Variants in AGAP1 observed in about 807,000 individuals in gnomAD.
AGAP1 encodes arf-GAP with GTPase, ANK repeat and PH domain-containing protein 1.
Under a neutral mutation model 105.3 loss-of-function variants are expected in AGAP1, and 29 were observed. That is an observed-to-expected ratio of 0.28 (90% confidence interval 0.21 to 0.38). AGAP1 has a LOEUF of 0.38. Among genes scored for constraint, AGAP1 ranks in the 10% least tolerant of loss-of-function variants. AGAP1 has a pLI of 1.00. For missense variants in AGAP1, 998 were observed against 1,165.1 expected (o/e 0.86, Z 2.09); for synonymous variants, 509 against 485.9 (o/e 1.05, Z -0.63).
At chr2:235,849,652 TGGA>T (rs200814985) in intron 9 of AGAP1, among the ~76,000 whole-genome samples, 1 of 112,194 alleles carries the variant, frequency 8.9e-6, no homozygotes, top group Non-Finnish European at 2.1e-5. Context: ...ATGCTAGGCC[TGGA>T]TAAGGGTTGC....
rs1941243510 is a variant in AGAP1 at position 235,494,911 on chromosome 2, G to A, written c.163+62G>A. On this transcript the variant is annotated intron_variant, in intron 1 of 17. Coordinates refer to ENST00000304032, the MANE Select transcript of AGAP1 (RefSeq NM_001037131.3). ...CGGACGCCCGCGGCGCGGCGGGGGT[G>A]TGCGCTGTGTGCGTGCGGGTGTCCA... The A allele has an allele frequency of 3.4e-6, 5 of 1,466,498 alleles. No homozygotes were observed. The South Asian group carries it at 5.0e-5, about 15-fold the overall frequency. The allele number at this position is 1,466,498 out of a possible 1,614,324, so 90.8% of individuals were successfully genotyped here.
rs914661632 is a variant in AGAP1, at chr2:236,038,453, C to G, written c.1800+1738C>G. 6.6e-6 allele frequency among the ~76,000 whole-genome samples: 1 copy of G among 152,172 alleles called. No homozygotes were observed. Among genetic ancestry groups the G allele is most frequent in the Non-Finnish European group, 1.5e-5 (1 of 68,036 alleles). ...ACACCTTGCCAGGCTCCTCCTGACT[C>G]GTGTCTCAGCTCATGCACACACCAG... On this transcript the variant is annotated intron_variant, in intron 14 of 17. Transcript: ENST00000304032. This position sits in a 1 kb window ranked among gnomAD's most constrained non-coding sequence, Gnocchi z 4.5.
At chr2:235,671,491 C>T (rs1948424772) in intron 1 of AGAP1, among the ~76,000 whole-genome samples, 1 of 152,180 alleles carries the variant, frequency 6.6e-6, no homozygotes, top group African/African-American at 2.4e-5. Context: ...ATCCTGGCGC[C>T]CCTCCCTGCC....
intron 11 of AGAP1, among the ~76,000 whole-genome samples, chr2:235,920,217 ATACT>A (rs1256203379): frequency 1.6e-3 from 243 of 152,310 alleles, no homozygotes; most frequent in African/African-American, 5.0e-3. Flanking sequence ...TTTAGAATAA[ATACT>A]TACACTTATT....
At chr2:235,710,508 A>G (rs1333026397) in intron 2 of AGAP1, among the ~76,000 whole-genome samples, 3 of 151,752 alleles carry the variant, frequency 2.0e-5, no homozygotes, top group Non-Finnish European at 4.4e-5. Flanking sequence ...CCCCCGCCCC[A>G]TTCCTCCCTG....
At chr2:235,545,331 A>G (rs1461396747) in intron 1 of AGAP1, among the ~76,000 whole-genome samples, 2 of 152,220 alleles carry the variant, frequency 1.3e-5, no homozygotes, top group African/African-American at 4.8e-5. Flanking sequence ...AGCCCTGGAA[A>G]GGAAGGAATG....
chr2:235,629,266 CATTGTGTGT>C (rs1946742955), intron 1 of AGAP1, among the ~76,000 whole-genome samples: 2 of 133,618 alleles, frequency 1.5e-5, no homozygotes, highest in South Asian at 2.5e-4. Flanking sequence ...GAGTAGTAGT[CATTGTGTGT>C]GTGTGTGTGT....
chr2:235,912,813 A>G (rs1395402969), intron 11 of AGAP1, among the ~76,000 whole-genome samples: 1 of 152,190 alleles, frequency 6.6e-6, no homozygotes, highest in African/African-American at 2.4e-5. Flanking sequence ...TTATTGTTAG[A>G]ATTTATGCTA....
At chr2:235,922,436 A>G (rs2052229098) in intron 11 of AGAP1, among the ~76,000 whole-genome samples, 1 of 152,192 alleles carries the variant, frequency 6.6e-6, no homozygotes, top group Non-Finnish European at 1.5e-5. Context: ...TTTCAGGCTT[A>G]CTTAACCAAT....
rs543278092 is a variant in AGAP1, at chr2:235,996,591, C to T, written c.1645+27968C>T. ...GCATGACCTGGCGGTAGAGCCAGCC[C>T]CTGCCAGCTGGCTGCCCCCGGGGAC... On this transcript the variant is annotated intron_variant, in intron 13 of 17. Coordinates refer to ENST00000304032, the MANE Select transcript of AGAP1 (RefSeq NM_001037131.3). Among the ~76,000 whole-genome samples, 70 of 152,350 alleles carry T rather than the reference C, an allele frequency of 4.6e-4. No homozygotes were observed. The South Asian group carries it at 6.8e-3, about 15-fold the overall frequency.
intron 8 of AGAP1, among the ~76,000 whole-genome samples, chr2:235,803,323 A>G (rs1422127621): frequency 2.0e-5 from 3 of 152,232 alleles, no homozygotes; most frequent in Non-Finnish European, 2.9e-5. Flanking sequence ...TTGTGAAATC[A>G]TAGCAATTAA....
chr2:235,875,376 C>A lies in AGAP1; in HGVS notation c.1051-7969C>A, dbSNP rs756755214. The stretch of plus-strand genomic sequence containing the variant: ...CCCACCGAGGTGCGAGTCTCACCAT[C>A]GTGCTGTCTGCTGAGAGATCTGATT... On this transcript the variant is annotated intron_variant, in intron 9 of 17. Coordinates refer to ENST00000304032, the MANE Select transcript of AGAP1 (RefSeq NM_001037131.3). The surrounding 1 kb of genome is among the most constrained non-coding windows in gnomAD (Gnocchi z 4.0). Among the ~76,000 whole-genome samples the A allele has an allele frequency of 6.6e-6, 1 of 152,210 alleles. No individual in the cohort carries two copies. The highest frequency in any genetic ancestry group is 1.5e-5 in the Non-Finnish European group (1 of 68,040).
At position 235,867,536 on chromosome 2, in the gene AGAP1, AGT is replaced by A. The variant is rs61257818; in HGVS notation, c.1051-15771_1051-15770del. ...ATCATACACCTTATGCTGGTGCTGC[AGT>A]GTGTGTGTGTGTGTGTGTGTGTGTG... On this transcript the variant is annotated intron_variant, in intron 9 of 17. Transcript: ENST00000304032. The surrounding 1 kb of genome is among the most constrained non-coding windows in gnomAD (Gnocchi z 5.4). 0.15 allele frequency among the ~76,000 whole-genome samples: 18,271 copies of A among 123,176 alleles called. 1,222 individuals are homozygous for A. The highest frequency in any genetic ancestry group is 0.23 in the Middle Eastern group (55 of 244). The allele number at this position is 123,176 out of a possible 152,430, so 80.8% of individuals were successfully genotyped here.
chr2:235,949,163 G>A (rs2053624516), intron 12 of AGAP1, among the ~76,000 whole-genome samples: 1 of 152,144 alleles, frequency 6.6e-6, no homozygotes, highest in African/African-American at 2.4e-5. Context: ...TCAAATACAG[G>A]AAGGCCCCTT....
chr2:235,592,099 G>A (rs896250672), intron 1 of AGAP1, among the ~76,000 whole-genome samples: 2 of 152,214 alleles, frequency 1.3e-5, no homozygotes, highest in Non-Finnish European at 2.9e-5. Flanking sequence ...TTGAAGTGGC[G>A]CTGGTTCCCA....
At chr2:235,814,983 G>A (rs147982708) in intron 9 of AGAP1, among the ~76,000 whole-genome samples, 135 of 152,248 alleles carry the variant, frequency 8.9e-4, no homozygotes, top group Non-Finnish European at 1.4e-3. Flanking sequence ...TCCCCATAGG[G>A]TTTGAGATGA....
intron 1 of AGAP1, among the ~76,000 whole-genome samples, chr2:235,602,578 C>T (rs1313418783): frequency 1.3e-5 from 2 of 152,218 alleles, no homozygotes; most frequent in Non-Finnish European, 2.9e-5. Flanking sequence ...TGCATTTTGC[C>T]CTTCCTTCAA....
chr2:236,099,850 A>G lies in AGAP1; in HGVS notation c.2115-20342A>G, dbSNP rs1576302806. 3.3e-5 allele frequency among the ~76,000 whole-genome samples: 5 copies of G among 152,184 alleles called. 2 individuals are homozygous for G. ...AGGTCAGGAGTTCGAGACCAGCTTA[A>G]CCAATATGGTGAAACCCCGTCTCTA... On this transcript the variant is annotated intron_variant, in intron 16 of 17. Coordinates refer to ENST00000304032, the MANE Select transcript of AGAP1 (RefSeq NM_001037131.3).
At chr2:235,564,111 G>A (rs1944260131) in intron 1 of AGAP1, among the ~76,000 whole-genome samples, 1 of 152,194 alleles carries the variant, frequency 6.6e-6, no homozygotes, top group South Asian at 2.1e-4. Context: ...TTTTGTCAAT[G>A]TACGTTTTTT....
Sources: allele counts gnomAD v4.1 joint callset (sites outside exome capture counted in the v4.1 genomes callset), GRCh38; gene constraint gnomAD v4.1.1; non-coding constraint Gnocchi (gnomAD v3.1); transcripts MANE v1.5; gene names NCBI Gene and HGNC (gene_info 2026-07-23, HGNC 2026-07-21).